TSHZ2: variants seen among roughly 807,000 people sequenced by gnomAD.
TSHZ2 encodes the protein teashirt zinc finger homeobox 2, also known as teashirt homolog 2.
Under a neutral mutation model 74.4 loss-of-function variants are expected in TSHZ2, and 21 were observed. The observed-to-expected ratio is 0.28, with a 90% CI of 0.20 to 0.41. The LOEUF (loss-of-function observed/expected upper bound fraction) is 0.41, where lower values mean the gene tolerates loss of function less well. TSHZ2 is among the 10% of genes least tolerant of loss of function. The pLI, the probability that TSHZ2 is intolerant of heterozygous loss-of-function variation, is 1.00. For missense variants in TSHZ2, 1,244 were observed against 1,293.5 expected (o/e 0.96, Z 0.59); for synonymous variants, 540 against 515.3 (o/e 1.05, Z -0.65).
intron 2 of TSHZ2, among the ~76,000 whole-genome samples, chr20:53,266,770 C>T (rs943853123): frequency 3.0e-5 from 4 of 134,102 alleles, no homozygotes; most frequent in Non-Finnish European, 4.6e-5. Flanking sequence ...GGCCGATCGA[C>T]GATTTTTTTT....
chr20:53,362,716 T>C (rs1241324008), intron 2 of TSHZ2, among the ~76,000 whole-genome samples: 1 of 152,230 alleles, frequency 6.6e-6, no homozygotes, highest in African/African-American at 2.4e-5. Flanking sequence ...ATCTGATTGC[T>C]TTACCATATG....
Position 53,253,740 on chromosome 20 carries a change from C to T in TSHZ2, c.282C>T (p.Asp94=), listed in dbSNP as rs370871141. 6.2e-7 allele frequency: 1 copy of T among 1,614,192 alleles called. No individual in the cohort carries two copies. The highest frequency in any genetic ancestry group is 8.5e-7 in the Non-Finnish European group (1 of 1,180,026). The change falls in exon 2 of 3, where the codon GAC becomes GAT. Residue 94 remains aspartate, a synonymous_variant. Transcript: ENST00000371497. The part of the protein sequence containing the change: ...LLSDASDQVS[D]IKSVCGRDAS... The stretch of plus-strand genomic sequence containing the variant: ...GTGACGCCAGTGATCAGGTGTCGGA[C>T]ATCAAGAGTGTCTGCGGCAGAGATG...
intron 1 of TSHZ2, among the ~76,000 whole-genome samples, chr20:53,017,767 G>A (rs145761622): frequency 1.2e-4 from 19 of 152,120 alleles, no homozygotes; most frequent in East Asian, 3.9e-4. Flanking sequence ...CTTTTAATGC[G>A]TCTTCACCCC....
intron 1 of TSHZ2, among the ~76,000 whole-genome samples, chr20:52,980,608 G>C (rs984134378): frequency 2.6e-5 from 4 of 152,136 alleles, no homozygotes; most frequent in African/African-American, 4.8e-5. Flanking sequence ...TATTAAGGTG[G>C]GTAGAATACA....
At chr20:53,176,356 G>A (rs1428319149) in intron 1 of TSHZ2, among the ~76,000 whole-genome samples, 1 of 152,220 alleles carries the variant, frequency 6.6e-6, no homozygotes, top group Non-Finnish European at 1.5e-5. Context: ...GAGGGACAGT[G>A]CTAGAATCCT....
At chr20:53,341,945 A>G (rs1980220976) in intron 2 of TSHZ2, among the ~76,000 whole-genome samples, 1 of 152,308 alleles carries the variant, frequency 6.6e-6, no homozygotes. Context: ...TCCTGAGCTC[A>G]GTTGATCCAC....
At chr20:53,274,779 C>T (rs1990908615) in intron 2 of TSHZ2, among the ~76,000 whole-genome samples, 1 of 152,194 alleles carries the variant, frequency 6.6e-6, no homozygotes, top group Non-Finnish European at 1.5e-5. Flanking sequence ...CTCGCTAGCG[C>T]TCTTTCTCTT....
chr20:53,038,425 C>T (rs548011908), intron 1 of TSHZ2, among the ~76,000 whole-genome samples: 1 of 152,100 alleles, frequency 6.6e-6, no homozygotes, highest in South Asian at 2.1e-4. Context: ...GGCCTGTCTA[C>T]TCCTACCAAG....
At chr20:53,469,809 CAACA>C (rs748657217) in intron 2 of TSHZ2, among the ~76,000 whole-genome samples, 1 of 109,236 alleles carries the variant, frequency 9.2e-6, no homozygotes, top group African/African-American at 3.7e-5. Context: ...AGGAAGGACC[CAACA>C]AAGATAGAGA....
intron 2 of TSHZ2, among the ~76,000 whole-genome samples, chr20:53,345,411 G>A (rs1327691105): frequency 6.6e-6 from 1 of 152,116 alleles, no homozygotes; most frequent in African/African-American, 2.4e-5. Context: ...CACACACAGA[G>A]GACTTGTCTG....
chr20:53,106,386 ACTTTCTT>A (rs1986365779), intron 1 of TSHZ2, among the ~76,000 whole-genome samples: 1 of 84,684 alleles, frequency 1.2e-5, no homozygotes, highest in Non-Finnish European at 2.3e-5. Flanking sequence ...GCCTTCTCAC[ACTTTCTT>A]TTTTTTTTTT....
At chr20:53,277,241 G>T (rs1227801672) in intron 2 of TSHZ2, among the ~76,000 whole-genome samples, 1 of 151,332 alleles carries the variant, frequency 6.6e-6, no homozygotes, top group Non-Finnish European at 1.5e-5. Flanking sequence ...GGCCCTAAAA[G>T]TATTTTGGAA....
At chr20:53,147,777 T>C (rs992762528) in intron 1 of TSHZ2, among the ~76,000 whole-genome samples, 2 of 152,216 alleles carry the variant, frequency 1.3e-5, no homozygotes, top group African/African-American at 4.8e-5. Context: ...TGTGCAGTGG[T>C]GCCATCTCTG....
At chr20:53,358,330 T>C (rs1461025325) in intron 2 of TSHZ2, among the ~76,000 whole-genome samples, 1 of 30,070 alleles carries the variant, frequency 3.3e-5, no homozygotes, top group African/African-American at 2.7e-4. Flanking sequence ...TCTGTGGTTC[T>C]TTTTTTTTTT....
intron 2 of TSHZ2, among the ~76,000 whole-genome samples, chr20:53,383,089 C>T (rs1342659439): frequency 1.3e-5 from 2 of 151,854 alleles, no homozygotes; most frequent in African/African-American, 4.8e-5. Flanking sequence ...GGTGAAACCC[C>T]GTCTCTAATA....
intron 2 of TSHZ2, among the ~76,000 whole-genome samples, chr20:53,442,061 G>A (rs1482860378): frequency 2.0e-5 from 3 of 152,198 alleles, no homozygotes; most frequent in African/African-American, 7.2e-5. Flanking sequence ...GAATGCCTGC[G>A]TAGGTGGGGC....
chr20:53,473,777 T>C (rs1431907366), intron 2 of TSHZ2, among the ~76,000 whole-genome samples: 9 of 151,802 alleles, frequency 5.9e-5, no homozygotes, highest in East Asian at 3.9e-4. Context: ...TAGAAGAATG[T>C]ATAACTAGAA....
chr20:53,217,227 C>A (rs548898850), intron 1 of TSHZ2, among the ~76,000 whole-genome samples: 2 of 152,190 alleles, frequency 1.3e-5, no homozygotes, highest in Admixed American at 1.3e-4. Flanking sequence ...CACCTGTCTG[C>A]GCTTGGCCGA....
intron 2 of TSHZ2, among the ~76,000 whole-genome samples, chr20:53,375,091 C>T (rs1981614298): frequency 6.6e-6 from 1 of 152,100 alleles, no homozygotes; most frequent in Admixed American, 6.5e-5. Flanking sequence ...GAAACACACA[C>T]CAGCCCATCA....
Sources: allele counts gnomAD v4.1 joint callset (sites outside exome capture counted in the v4.1 genomes callset), GRCh38; gene constraint gnomAD v4.1.1; transcripts MANE v1.5; gene names NCBI Gene and HGNC (gene_info 2026-07-23, HGNC 2026-07-21).